SGSM2: variants seen among roughly 807,000 people sequenced by gnomAD.
The protein encoded by SGSM2 is small G protein signaling modulator 2.
Under a neutral mutation model 126.6 loss-of-function variants are expected in SGSM2, and 89 were observed. The observed-to-expected ratio is 0.70, with a 90% CI of 0.59 to 0.84. The LOEUF (loss-of-function observed/expected upper bound fraction) is 0.84. Ranked by LOEUF, SGSM2 falls within the 40% of genes least tolerant of loss-of-function variation. SGSM2 has a pLI of 0.00. For missense variants in SGSM2, 1,404 were observed against 1,416.6 expected (o/e 0.99, Z 0.14); for synonymous variants, 614 against 574.3 (o/e 1.07, Z -0.99).
Position 2,373,365 on chromosome 17 carries a change from T to A in SGSM2, c.1952T>A (p.Val651Glu). The change falls in exon 17 of 24, where the codon GTG (valine) becomes GAG (glutamate). Residue 651 changes from valine (V) to glutamate (E), a missense_variant. Physicochemically the swap from Val to Glu is moderately radical, Grantham distance 121 (BLOSUM62 -2). Coordinates refer to ENST00000268989, the MANE Select transcript of SGSM2 (RefSeq NM_014853.3). ...DAVVAARYQQ[V>E]LAEWKACEVV... ...GTGGTGGCAGCAAGGTACCAGCAGGTGTTGGCAGAGTGGAAGGCCTGCGAG... is the reference window on the plus strand; with the variant it reads ...GTGGTGGCAGCAAGGTACCAGCAGGAGTTGGCAGAGTGGAAGGCCTGCGAG... 6.2e-7 allele frequency: 1 copy of A among 1,612,166 alleles called. No individual in the cohort carries two copies. Among genetic ancestry groups the A allele is most frequent in the Non-Finnish European group, 8.5e-7 (1 of 1,179,706 alleles).
chr17:2,352,905 G>T (rs1274474070), intron 2 of SGSM2, among the ~76,000 whole-genome samples: 1 of 139,870 alleles, frequency 7.1e-6, no homozygotes, highest in East Asian at 2.3e-4. Flanking sequence ...AGCCTCCCGA[G>T]TAGCTGGGAC....
intron 1 of SGSM2, among the ~76,000 whole-genome samples, chr17:2,342,641 T>C (rs1357901423): frequency 5.4e-4 from 82 of 152,198 alleles, no homozygotes; most frequent in Non-Finnish European, 1.5e-4. Flanking sequence ...TTCTTTTATA[T>C]GTTTACTGCA....
intron 2 of SGSM2, among the ~76,000 whole-genome samples, chr17:2,351,378 A>G (rs888743678): frequency 6.6e-6 from 1 of 152,104 alleles, no homozygotes; most frequent in Non-Finnish European, 1.5e-5. Flanking sequence ...GGGCGGCGGC[A>G]TTGAGGAGTT....
rs756370548 is a variant in SGSM2 at position 2,379,552 on chromosome 17, C to T, written c.*32C>T. ...GCCAGGAGGCAGCAGCCGTGCAGAG[C>T]CTGGGCTCCGGCAGGGAGAGGTGCA... On this transcript the variant is annotated 3_prime_UTR_variant, in exon 24 of 24. Transcript: ENST00000268989. 3 of 1,598,500 alleles carry T rather than the reference C, an allele frequency of 1.9e-6. No individual in the cohort carries two copies. Among genetic ancestry groups the T allele is most frequent in the Non-Finnish European group, 2.6e-6 (3 of 1,169,070 alleles).
rs764959190 is a variant in SGSM2 at position 2,379,510 on chromosome 17, A to G, written c.3146A>G (p.Glu1049Gly). Residue 1049 changes from glutamate to glycine, a missense_variant, in exon 24 of 24, where the codon GAG becomes GGG. Physicochemically the swap from Glu to Gly is moderately conservative, Grantham distance 98 (BLOSUM62 -2). Transcript: ENST00000268989. ...DLVHKVQMLI[E>G]NK ...GTCCACAAGGTGCAGATGCTCATAG[A>G]GAACAAGTGAGCTGGGGCCAGGAGG... 6.2e-7 allele frequency: 1 copy of G among 1,611,776 alleles called. No homozygotes were observed. Among genetic ancestry groups the G allele is most frequent in the Non-Finnish European group, 8.5e-7 (1 of 1,178,452 alleles).
intron 2 of SGSM2, among the ~76,000 whole-genome samples, chr17:2,345,499 G>A (rs967195184): frequency 7.2e-5 from 11 of 151,846 alleles, no homozygotes; most frequent in African/African-American, 2.4e-4. Context: ...AGGAGGCTGA[G>A]GCAGGAGAAT....
chr17:2,375,722 AGAG>A lies in SGSM2; in HGVS notation c.2337_2339del (p.Glu779del), dbSNP rs1567848216. On this transcript the variant is annotated inframe_deletion, in exon 18 of 24. Coordinates refer to ENST00000268989, the MANE Select transcript of SGSM2 (RefSeq NM_014853.3). ...ATGAGGGGCAGAGCGTGGGCTTCGA[AGAG>A]GAGGACGGCGGTGGGGAGGAAGGCT... is the stretch of plus-strand genomic sequence containing the variant. 1 of 1,610,624 alleles carries A rather than the reference AGAG, an allele frequency of 6.2e-7. No individual in the cohort carries two copies. Among genetic ancestry groups the A allele is most frequent in the African/African-American group, 1.3e-5 (1 of 74,968 alleles).
At chr17:2,343,769 G>A in intron 2 of SGSM2, 149 bp downstream of exon 2, 2 of 662,504 alleles carry the variant, frequency 3.0e-6, no homozygotes, top group Non-Finnish European at 2.7e-6. Flanking sequence ...ATCCTCTTTG[G>A]CCCCATTTGC....
rs145262277 is a variant in SGSM2 at position 2,373,399 on chromosome 17, G to A, written c.1986G>A (p.Val662=). Residue 662 remains valine, a synonymous_variant, in exon 17 of 24, where the codon GTG becomes GTA. Transcript: ENST00000268989. Reference sequence around the variant, plus strand: ...AGTGGAAGGCCTGCGAGGTGGTGGTGAGGCAGCGGGAGCGGGAGGCCCACC... The same window carrying A: ...AGTGGAAGGCCTGCGAGGTGGTGGTAAGGCAGCGGGAGCGGGAGGCCCACC... ...LAEWKACEVV[V]RQREREAHPA... 158 of 1,612,544 alleles carry A rather than the reference G, an allele frequency of 9.8e-5. No homozygotes were observed. Among genetic ancestry groups the A allele is most frequent in the Middle Eastern group, 1.6e-4 (1 of 6,078 alleles).
Position 2,367,351 on chromosome 17 carries a change from G to T in SGSM2, c.1369G>T (p.Ala457Ser), listed in dbSNP as rs73976517. 1.4e-5 allele frequency: 22 copies of T among 1,614,062 alleles called. No individual in the cohort carries two copies. The Admixed American group carries it at 2.3e-4, about 17-fold the overall frequency. ...DDEEEEDKLHAMLSMICSRNL... is the reference protein window; with the variant it reads ...DDEEEEDKLHSMLSMICSRNL... ...TGAGGAAGAGGAGGATAAACTGCAC[G>T]CGATGCTCTCAATGATCTGCTCGCG... Residue 457 changes from alanine (A) to serine (S), a missense_variant, in exon 12 of 24, where the codon GCG (alanine) becomes TCG (serine). Transcript: ENST00000268989. The surrounding 1 kb of genome is among the most constrained non-coding windows in gnomAD (Gnocchi z 4.0).
At chr17:2,374,985 G>C (rs1332194841) in intron 17 of SGSM2, 1 of 152,762 alleles carries the variant, frequency 6.5e-6, no homozygotes, top group East Asian at 1.9e-4. Flanking sequence ...TCCCCACCTT[G>C]CCTGAGGGCT....
Position 2,362,719 on chromosome 17 carries a change from ACT to A in SGSM2, c.459-118_459-117del. 8 of 1,015,326 alleles carry A rather than the reference ACT, an allele frequency of 7.9e-6. No individual in the cohort carries two copies. In the South Asian group the frequency reaches 1.2e-4, roughly 15 times the overall value. 62.9% of individuals were successfully genotyped at this position (1,015,326 alleles called of 1,614,324 possible). On this transcript the variant is annotated intron_variant, in intron 4 of 23. Transcript: ENST00000268989. The surrounding 1 kb of genome is among the most constrained non-coding windows in gnomAD (Gnocchi z 4.9). ...CACGAAGCCCAGTCCCTAAGGACTC[ACT>A]GTTTCTTGATGACTGATCTGAATCT...
At chr17:2,364,240 G>C in intron 8 of SGSM2, 57 bp downstream of exon 8, 2 of 1,607,440 alleles carry the variant, frequency 1.2e-6, no homozygotes, top group East Asian at 4.5e-5. Flanking sequence ...TTTGACCTCA[G>C]GCAGAGGGAT....
At position 2,379,203 on chromosome 17, in the gene SGSM2, G is replaced by A. The variant is rs1462653881; in HGVS notation, c.3067G>A (p.Glu1023Lys). The change falls in exon 23 of 24, where the codon GAA (glutamate) becomes AAA (lysine). Residue 1023 changes from glutamate to lysine, a missense_variant and splice_region_variant. Transcript: ENST00000268989. ...DFTDIIKFFN[E>K]RAEHHDAQEI... ...CACTGACATCATCAAGTTTTTCAAT[G>A]GTACGAGCTGGTCCAGCCATCCAGG... 1.2e-6 allele frequency: 2 copies of A among 1,613,906 alleles called. No homozygotes were observed. Among genetic ancestry groups the A allele is most frequent in the African/African-American group, 2.7e-5 (2 of 74,906 alleles).
Position 2,367,313 on chromosome 17 carries a change from C to G in SGSM2, c.1331C>G (p.Ser444Trp). 9.9e-6 allele frequency: 16 copies of G among 1,614,116 alleles called. No homozygotes were observed. Among genetic ancestry groups the G allele is most frequent in the Non-Finnish European group, 1.4e-5 (16 of 1,180,004 alleles). Residue 444 changes from serine (S) to tryptophan (W), a missense_variant, in exon 12 of 24, where the codon TCG becomes TGG. Ser to Trp is a radical substitution (Grantham distance 177). Coordinates refer to ENST00000268989, the MANE Select transcript of SGSM2 (RefSeq NM_014853.3). The surrounding 1 kb of genome is among the most constrained non-coding windows in gnomAD (Gnocchi z 4.0). ...YHHLAASRAA[S>W]VDDDEEEEDK... is the part of the protein sequence containing the mutation. ...CACCTAGCGGCCAGCCGCGCGGCCT[C>G]GGTGGACGATGATGAGGAAGAGGAG...
At position 2,337,804 on chromosome 17, in the gene SGSM2, C is replaced by A; in HGVS notation, c.57+59C>A. 3.7e-6 allele frequency: 5 copies of A among 1,354,082 alleles called. No homozygotes were observed. The South Asian group carries it at 7.1e-5, about 19-fold the overall frequency. The allele number at this position is 1,354,082 out of a possible 1,614,324, so 83.9% of individuals were successfully genotyped here. ...GCCCTGGCCCGCGCGGCCCAGGGGG[C>A]AGAAAGGTCCGCGCCCACCCCCCGG... On this transcript the variant is annotated intron_variant, in intron 1 of 23. Transcript: ENST00000268989. This position sits in a 1 kb window ranked among gnomAD's most constrained non-coding sequence, Gnocchi z 5.1.
intron 2 of SGSM2, among the ~76,000 whole-genome samples, chr17:2,358,711 C>CAA (rs34112897): frequency 2.0e-5 from 3 of 150,656 alleles, no homozygotes; most frequent in Admixed American, 6.6e-5. Flanking sequence ...GACCCGGTCT[C>CAA]AAAAAAAACG....
rs373415297 is a variant in SGSM2 at position 2,376,721 on chromosome 17, C to G, written c.2610-12C>G. 27 of 1,609,130 alleles carry G rather than the reference C, an allele frequency of 1.7e-5. No homozygotes were observed. In the African/African-American group the frequency reaches 2.7e-4, roughly 16 times the overall value. On this transcript the variant is annotated splice_polypyrimidine_tract_variant and intron_variant, in intron 19 of 23. Transcript: ENST00000268989. The stretch of plus-strand genomic sequence containing the variant: ...GGGGCACAGCCACAGTGACTCTCCC[C>G]CTGCCTTTCAGCTACGTGTGGGAGC...
chr17:2,362,711 A>G lies in SGSM2; in HGVS notation c.459-127A>G. ...AGGCACCTCACGAAGCCCAGTCCCTAAGGACTCACTGTTTCTTGATGACTG... is the reference window on the plus strand; with the variant it reads ...AGGCACCTCACGAAGCCCAGTCCCTGAGGACTCACTGTTTCTTGATGACTG... On this transcript the variant is annotated intron_variant, in intron 4 of 23. Coordinates refer to ENST00000268989, the MANE Select transcript of SGSM2 (RefSeq NM_014853.3). The surrounding 1 kb of genome is among the most constrained non-coding windows in gnomAD (Gnocchi z 4.9). 1 of 942,172 alleles carries G rather than the reference A, an allele frequency of 1.1e-6. No individual in the cohort carries two copies. The highest frequency in any genetic ancestry group is 1.6e-5 in the African/African-American group (1 of 62,160). The allele number at this position is 942,172 out of a possible 1,614,324, so 58.4% of individuals were successfully genotyped here.
Sources: gnomAD v4.1 joint callset for allele counts (sites outside exome capture counted in the v4.1 genomes callset) on GRCh38, gnomAD v4.1.1 for gene constraint, Gnocchi (gnomAD v3.1) non-coding constraint, MANE v1.5 for transcripts, NCBI Gene and HGNC (gene_info 2026-07-23, HGNC 2026-07-21) for gene names.